TSHR: variants seen among roughly 807,000 people sequenced by gnomAD.
The protein encoded by TSHR is thyroid stimulating hormone receptor.
Under a neutral mutation model 64.1 loss-of-function variants are expected in TSHR, and 51 were observed. The observed-to-expected ratio is 0.80, with a 90% CI of 0.64 to 1.01. TSHR has a LOEUF of 1.01. Ranked by LOEUF, TSHR falls within the 50% of genes least tolerant of loss-of-function variation. TSHR has a pLI of 0.00. For synonymous variants in TSHR, 361 were observed against 361.9 expected, an observed-to-expected ratio of 1.00 and a Z score of 0.03; for missense variants, 877 against 942.8, an observed-to-expected ratio of 0.93 and a Z score of 0.91.
chr14:81,101,119 G>A (rs1171831321), intron 7 of TSHR, among the ~76,000 whole-genome samples: 1 of 152,160 alleles, frequency 6.6e-6, no homozygotes, highest in Admixed American at 6.5e-5. Flanking sequence ...GAAATTCCAA[G>A]AGTTTTAGGA....
At chr14:81,085,221 C>T (rs1231821477) in intron 3 of TSHR, among the ~76,000 whole-genome samples, 1 of 152,128 alleles carries the variant, frequency 6.6e-6, no homozygotes, top group African/African-American at 2.4e-5. Context: ...CTCGGCCTCC[C>T]ACCTGTCTCG....
intron 1 of TSHR, among the ~76,000 whole-genome samples, chr14:80,969,767 G>C (rs1887504246): frequency 6.6e-6 from 1 of 152,212 alleles, no homozygotes; most frequent in Non-Finnish European, 1.5e-5. Context: ...AGAGTAATCA[G>C]TGGATACTCT....
At chr14:80,955,892 G>C (rs768805145) in intron 1 of TSHR, 42 bp downstream of exon 1, 6 of 1,613,676 alleles carry the variant, frequency 3.7e-6, no homozygotes, top group Non-Finnish European at 5.1e-6. Flanking sequence ...CAGAGATCAA[G>C]GGCATCTGCA....
intron 1 of TSHR, among the ~76,000 whole-genome samples, chr14:81,047,280 TA>T (rs1594997249): frequency 6.7e-6 from 1 of 148,336 alleles, no homozygotes; most frequent in African/African-American, 2.4e-5. Flanking sequence ...CAAATAAAAT[TA>T]TTTTTTTCCT....
chr14:80,958,513 G>T (rs17544306), intron 1 of TSHR, among the ~76,000 whole-genome samples: 1 of 152,020 alleles, frequency 6.6e-6, no homozygotes, highest in Non-Finnish European at 1.5e-5. Context: ...TGATAACCTC[G>T]GGGGCTATTC....
At chr14:80,986,315 G>A (rs776721835) in intron 1 of TSHR, among the ~76,000 whole-genome samples, 2 of 152,078 alleles carry the variant, frequency 1.3e-5, no homozygotes, top group East Asian at 3.9e-4. Context: ...CAGATAGAGA[G>A]AGATAGATAG....
intron 4 of TSHR, among the ~76,000 whole-genome samples, chr14:81,090,192 A>T (rs1480026391): frequency 6.6e-6 from 1 of 152,186 alleles, no homozygotes; most frequent in Non-Finnish European, 1.5e-5. Flanking sequence ...TCTGTAGATG[A>T]TATAAACTAC....
chr14:81,057,244 C>G (rs1885880040), intron 1 of TSHR, among the ~76,000 whole-genome samples: 1 of 152,084 alleles, frequency 6.6e-6, no homozygotes, highest in South Asian at 2.1e-4. Flanking sequence ...AACCCCGTCT[C>G]TACTGAAAAA....
rs1889388801 is a variant in TSHR at position 81,098,911 on chromosome 14, A to G, written c.614+2204A>G. On this transcript the variant is annotated intron_variant, in intron 7 of 9. Transcript: ENST00000298171. ...CACAAGCAAAAGATTTTGGAGCCCA[A>G]GATAAGAATCTATGCTTCAAATTAA... Among the ~76,000 whole-genome samples the G allele has an allele frequency of 3.3e-5, 5 of 152,334 alleles. No individual in the cohort carries two copies. In the South Asian group the frequency reaches 8.3e-4, roughly 25 times the overall value.
At chr14:81,105,326 T>A in intron 7 of TSHR, 1 of 748,316 alleles carries the variant, frequency 1.3e-6, no homozygotes, top group African/African-American at 1.9e-5. Flanking sequence ...CCCTCCCCAC[T>A]GTCTTGACTT....
At chr14:81,064,575 C>A (rs1886471250) in intron 2 of TSHR, among the ~76,000 whole-genome samples, 1 of 152,102 alleles carries the variant, frequency 6.6e-6, no homozygotes, top group South Asian at 2.1e-4. Context: ...AGACAAAGAT[C>A]CATGTCCCCA....
chr14:81,075,289 T>A (rs1326808367), intron 3 of TSHR, among the ~76,000 whole-genome samples: 1 of 152,192 alleles, frequency 6.6e-6, no homozygotes, highest in African/African-American at 2.4e-5. Flanking sequence ...CACCAAAGTC[T>A]CTCTGAACCT....
intron 1 of TSHR, chr14:80,994,059 C>T (rs1010854755): frequency 1.3e-5 from 2 of 152,292 alleles, no homozygotes. Context: ...CTTCCTTTTC[C>T]TCCTTCTTCA....
intron 1 of TSHR, among the ~76,000 whole-genome samples, chr14:81,027,155 AAAGAC>A (rs1403941794): frequency 1.6e-4 from 24 of 152,226 alleles, no homozygotes; most frequent in African/African-American, 5.8e-4. Context: ...AGAAAAGAAA[AAAGAC>A]TAGAGTAGGA....
At chr14:81,046,640 A>T (rs1482413777) in intron 1 of TSHR, among the ~76,000 whole-genome samples, 1 of 152,072 alleles carries the variant, frequency 6.6e-6, no homozygotes, top group Admixed American at 6.6e-5. Flanking sequence ...ATAAAGAAAA[A>T]TTTTAATGCA....
chr14:81,039,250 C>T (rs778654422), intron 1 of TSHR, among the ~76,000 whole-genome samples: 38 of 151,820 alleles, frequency 2.5e-4, no homozygotes, highest in Non-Finnish European at 4.4e-4. Flanking sequence ...AAATCAATGA[C>T]AAAACTGATG....
At chr14:81,112,699 A>C (rs893746684) in intron 8 of TSHR, among the ~76,000 whole-genome samples, 6 of 152,232 alleles carry the variant, frequency 3.9e-5, no homozygotes, top group Non-Finnish European at 8.8e-5. Context: ...GAGGGTCACT[A>C]CATTAAAGAA....
intron 8 of TSHR, among the ~76,000 whole-genome samples, chr14:81,115,280 G>A (rs1890444295): frequency 6.6e-6 from 1 of 151,612 alleles, no homozygotes; most frequent in African/African-American, 2.4e-5. Context: ...TGAAAACTTT[G>A]AAAAAAATTT....
chr14:81,031,155 C>T (rs1884327611), intron 1 of TSHR, among the ~76,000 whole-genome samples: 1 of 152,080 alleles, frequency 6.6e-6, no homozygotes, highest in Non-Finnish European at 1.5e-5. Context: ...CTCTCCTGCA[C>T]CGGAGGAAGG....
Sources: gnomAD v4.1 joint callset for allele counts (sites outside exome capture counted in the v4.1 genomes callset) on GRCh38, gnomAD v4.1.1 for gene constraint, MANE v1.5 for transcripts, NCBI Gene and HGNC (gene_info 2026-07-23, HGNC 2026-07-21) for gene names.